KAT6B: variants seen among roughly 807,000 people sequenced by gnomAD.
KAT6B encodes the protein histone acetyltransferase KAT6B.
KAT6B carries 10 observed loss-of-function variants against 187.5 expected under a neutral mutation model. The ratio of observed to expected loss-of-function variants is 0.05; its 90% CI spans 0.03 to 0.09. KAT6B has a LOEUF of 0.09. Among genes scored for constraint, KAT6B ranks in the 10% least tolerant of loss-of-function variants. The pLI is 1.00. For synonymous variants in KAT6B, 861 were observed against 926.8 expected (o/e 0.93, Z 1.29); for missense variants, 1,952 against 2,558.9 (o/e 0.76, Z 5.12).
intron 13 of KAT6B, among the ~76,000 whole-genome samples, chr10:75,004,207 A>G (rs927942840): frequency 7.9e-5 from 12 of 152,192 alleles, no homozygotes; most frequent in African/African-American, 2.7e-4. Context: ...ACTGGAACAA[A>G]ATGAAACCTT....
chr10:74,877,749 TAAAG>T (rs1187591786), intron 3 of KAT6B, among the ~76,000 whole-genome samples: 2 of 152,164 alleles, frequency 1.3e-5, no homozygotes, highest in Non-Finnish European at 2.9e-5. Context: ...TATTGTCAAA[TAAAG>T]AAGCATAGAA....
intron 3 of KAT6B, among the ~76,000 whole-genome samples, chr10:74,930,530 A>G (rs188896919): frequency 6.6e-6 from 1 of 152,360 alleles, no homozygotes; most frequent in East Asian, 1.9e-4. Context: ...ACCTGTATGC[A>G]GGTAGTTTTT....
At chr10:74,917,580 A>G (rs1208223644) in intron 3 of KAT6B, among the ~76,000 whole-genome samples, 1 of 152,248 alleles carries the variant, frequency 6.6e-6, no homozygotes, top group East Asian at 1.9e-4. Flanking sequence ...TGAATGGATG[A>G]GACATGGCCC....
At chr10:74,839,799 A>T (rs1841596103) in intron 2 of KAT6B, among the ~76,000 whole-genome samples, 1 of 152,240 alleles carries the variant, frequency 6.6e-6, no homozygotes, top group Non-Finnish European at 1.5e-5. Context: ...TAACTGACAG[A>T]GAATGATTCT....
chr10:74,933,908 G>A (rs576604317), intron 3 of KAT6B, among the ~76,000 whole-genome samples: 7 of 152,166 alleles, frequency 4.6e-5, no homozygotes, highest in African/African-American at 1.2e-4. Context: ...ACAATTGGCC[G>A]GGTGCGGTGG....
intron 10 of KAT6B, among the ~76,000 whole-genome samples, chr10:74,980,548 A>G (rs573382813): frequency 5.8e-4 from 88 of 152,314 alleles, no homozygotes; most frequent in Non-Finnish European, 1.1e-3. Flanking sequence ...ATGAGCTTTA[A>G]TTTGCATAGG....
chr10:74,900,598 G>C (rs528913005), intron 3 of KAT6B, among the ~76,000 whole-genome samples: 1 of 152,348 alleles, frequency 6.6e-6, no homozygotes, highest in African/African-American at 2.4e-5. Flanking sequence ...CAGGTCATGA[G>C]GACTGTGGTT....
intron 3 of KAT6B, among the ~76,000 whole-genome samples, chr10:74,958,012 G>A (rs553257491): frequency 1.3e-5 from 2 of 152,294 alleles, no homozygotes; most frequent in South Asian, 2.1e-4. Flanking sequence ...ACCTCAGAAC[G>A]TAAAGCCTGT....
chr10:74,996,316 A>G (rs1403326197), intron 13 of KAT6B, among the ~76,000 whole-genome samples: 1 of 152,240 alleles, frequency 6.6e-6, no homozygotes, highest in Non-Finnish European at 1.5e-5. Context: ...TTGAGAGCTC[A>G]TAAGAAGTTG....
At chr10:74,955,288 T>C (rs1270025310) in intron 3 of KAT6B, among the ~76,000 whole-genome samples, 2 of 152,010 alleles carry the variant, frequency 1.3e-5, no homozygotes, top group African/African-American at 4.8e-5. Flanking sequence ...CATGGTTGGT[T>C]GAATCCACGG....
intron 13 of KAT6B, among the ~76,000 whole-genome samples, chr10:74,997,232 AC>A (rs938723653): frequency 9.3e-5 from 5 of 53,520 alleles, no homozygotes; most frequent in African/African-American, 2.9e-4. Flanking sequence ...TGTTCTCCCC[AC>A]CCCCCCATTC....
At chr10:74,989,553 G>T (rs897778168) in intron 13 of KAT6B, among the ~76,000 whole-genome samples, 5 of 152,116 alleles carry the variant, frequency 3.3e-5, no homozygotes, top group African/African-American at 1.2e-4. Context: ...TAATTTTCTA[G>T]GCAGCTTATC....
At chr10:74,940,292 T>G (rs1849569636) in intron 3 of KAT6B, among the ~76,000 whole-genome samples, 1 of 151,940 alleles carries the variant, frequency 6.6e-6, no homozygotes, top group Non-Finnish European at 1.5e-5. Context: ...TTTTTTTTTT[T>G]TGAGACAGAG....
chr10:74,854,753 TG>T (rs1383172458), intron 3 of KAT6B, among the ~76,000 whole-genome samples: 2 of 152,228 alleles, frequency 1.3e-5, no homozygotes, highest in African/African-American at 2.4e-5. Context: ...AGCTGCAATT[TG>T]GTTTCATTAA....
At chr10:74,973,479 A>G (rs1841970872) in intron 7 of KAT6B, among the ~76,000 whole-genome samples, 1 of 152,188 alleles carries the variant, frequency 6.6e-6, no homozygotes, top group African/African-American at 2.4e-5. Context: ...AGGCTTAGTG[A>G]AAGGGTCATT....
At chr10:74,832,981 CAA>C (rs1041303257) in intron 1 of KAT6B, among the ~76,000 whole-genome samples, 7 of 151,104 alleles carry the variant, frequency 4.6e-5, no homozygotes, top group African/African-American at 1.7e-4. Flanking sequence ...ACAACAACAA[CAA>C]ACAAACAATG....
At position 75,030,280 on chromosome 10, in the gene KAT6B, A is replaced by G. The variant is rs1846212115; in HGVS notation, c.5456A>G (p.Lys1819Arg). ...CCGTCAGCCACCTTCAGCCTTGCCA[A>G]ACTGCAGCAGTTAACTAATACACTT... The part of the protein sequence containing the change: ...PQPSATFSLA[K>R]LQQLTNTLID... The change falls in exon 18 of 18, where the codon AAA becomes AGA. Residue 1819 changes from lysine to arginine, a missense_variant. Lys to Arg is a conservative substitution (Grantham distance 26). Transcript: ENST00000287239. This position sits in a 1 kb window ranked among gnomAD's most constrained non-coding sequence, Gnocchi z 4.8. 6.8e-6 allele frequency: 11 copies of G among 1,614,092 alleles called. No individual in the cohort carries two copies. The highest frequency in any genetic ancestry group is 9.3e-6 in the Non-Finnish European group (11 of 1,180,048).
At chr10:74,961,324 G>A (rs1841083701) in intron 4 of KAT6B, among the ~76,000 whole-genome samples, 1 of 152,120 alleles carries the variant, frequency 6.6e-6, no homozygotes, top group African/African-American at 2.4e-5. Flanking sequence ...GGCTCATTCT[G>A]AATGAATTAT....
intron 3 of KAT6B, among the ~76,000 whole-genome samples, chr10:74,932,318 C>T (rs1278746154): frequency 1.3e-5 from 2 of 152,102 alleles, no homozygotes; most frequent in Non-Finnish European, 1.5e-5. Context: ...TATAGTTATC[C>T]CCATTTCACA....
Sources: allele counts gnomAD v4.1 joint callset (sites outside exome capture counted in the v4.1 genomes callset), GRCh38; gene constraint gnomAD v4.1.1; non-coding constraint Gnocchi (gnomAD v3.1); transcripts MANE v1.5; gene names NCBI Gene and HGNC (gene_info 2026-07-23, HGNC 2026-07-21).